Variants in SLC36A1 observed in about 807,000 individuals in gnomAD.
The protein encoded by SLC36A1 is solute carrier family 36 member 1.
A neutral mutation model predicts 47.5 loss-of-function variants in SLC36A1; 30 were observed. The ratio of observed to expected loss-of-function variants is 0.63; its 90% confidence interval spans 0.47 to 0.86. The LOEUF (loss-of-function observed/expected upper bound fraction) is 0.86. SLC36A1 is among the 40% of genes least tolerant of loss of function. The pLI is 0.00. For missense variants in SLC36A1, 517 were observed against 606.0 expected (o/e 0.85, Z 1.54); for synonymous variants, 255 against 249.7 (o/e 1.02, Z -0.20).
the SLC36A1 span, among the ~76,000 whole-genome samples, chr5:151,424,297 A>G: frequency 2.0e-5 from 3 of 152,202 alleles, no homozygotes; most frequent in East Asian, 3.8e-4. Flanking sequence ...GTGTGCAGCA[A>G]CTTCAGAGAA....
At chr5:151,553,609 C>T in the SLC36A1 span, among the ~76,000 whole-genome samples, 355 of 152,328 alleles carry the variant, frequency 2.3e-3, 2 homozygotes, top group African/African-American at 7.9e-3. Flanking sequence ...GCTCAAGAAC[C>T]TCATGGTTAG....
At chr5:151,529,245 T>C in the SLC36A1 span, 1 of 1,613,968 alleles carries the variant, frequency 6.2e-7, no homozygotes, top group East Asian at 2.2e-5. Context: ...TTGGGGGAAT[T>C]GGGGCCGGTG....
the SLC36A1 span, chr5:151,554,648 G>A: frequency 1.2e-6 from 2 of 1,613,850 alleles, no homozygotes; most frequent in East Asian, 2.2e-5. Flanking sequence ...CTTCAGTGAG[G>A]GTTCCCCATT....
the SLC36A1 span, among the ~76,000 whole-genome samples, chr5:151,395,902 C>T: frequency 8.6e-4 from 131 of 152,198 alleles, no homozygotes; most frequent in African/African-American, 2.8e-3. Context: ...CTCCACCTCC[C>T]GAGTTCAAGC....
At chr5:151,413,523 G>GA in the SLC36A1 span, among the ~76,000 whole-genome samples, 3 of 151,994 alleles carry the variant, frequency 2.0e-5, no homozygotes, top group African/African-American at 7.2e-5. Context: ...GAATATTTAT[G>GA]AAAAAACTGA....
the SLC36A1 span, among the ~76,000 whole-genome samples, chr5:151,508,357 G>A: frequency 6.6e-6 from 1 of 152,120 alleles, no homozygotes; most frequent in Non-Finnish European, 1.5e-5. Flanking sequence ...AACACATCTC[G>A]TGAACGAATA....
the SLC36A1 span, chr5:151,521,334 G>A: frequency 4.3e-5 from 69 of 1,613,934 alleles, no homozygotes; most frequent in East Asian, 1.1e-3. Context: ...TGAGCCTGGC[G>A]GTGCTGTACG....
At chr5:151,524,418 GGGCCCTTATGAGAA>G in the SLC36A1 span, among the ~76,000 whole-genome samples, 2 of 140,752 alleles carry the variant, frequency 1.4e-5, no homozygotes, top group Non-Finnish European at 3.1e-5. Context: ...AATGGGATTA[GGGCCCTTATGAGAA>G]GGGCCATGTG....
the SLC36A1 span, among the ~76,000 whole-genome samples, chr5:151,526,364 A>G: frequency 6.6e-6 from 1 of 152,370 alleles, no homozygotes; most frequent in Non-Finnish European, 1.5e-5. Flanking sequence ...ACACTTATAA[A>G]TGATTTCTTC....
the SLC36A1 span, among the ~76,000 whole-genome samples, chr5:151,537,425 A>C: frequency 9.6e-6 from 1 of 104,652 alleles, no homozygotes; most frequent in African/African-American, 4.9e-5. Flanking sequence ...GAAAAAAGGA[A>C]AGGAGAGGAA....
intron 2 of SLC36A1, among the ~76,000 whole-genome samples, chr5:151,461,585 C>G (rs147726681): frequency 7.9e-5 from 12 of 152,300 alleles, no homozygotes; most frequent in African/African-American, 2.6e-4. Flanking sequence ...GGCTAAAACT[C>G]TCTTCATAAT....
chr5:151,382,430 A>G, the SLC36A1 span: 1 of 623,148 alleles, frequency 1.6e-6, no homozygotes, highest in Non-Finnish European at 2.9e-6. Context: ...CAGTAGGGAT[A>G]GATGTGTTAG....
the SLC36A1 span, chr5:151,366,759 A>G: frequency 6.5e-6 from 1 of 154,166 alleles, no homozygotes; most frequent in South Asian, 2.0e-4. Context: ...ACCTGCCCCC[A>G]GTATCTCAAT....
At chr5:151,548,104 G>A in the SLC36A1 span, among the ~76,000 whole-genome samples, 12 of 152,202 alleles carry the variant, frequency 7.9e-5, no homozygotes, top group Non-Finnish European at 1.5e-5. Flanking sequence ...CTTCAGCGGT[G>A]AATAGACTTC....
the SLC36A1 span, among the ~76,000 whole-genome samples, chr5:151,524,172 C>T: frequency 1.3e-5 from 2 of 152,158 alleles, no homozygotes; most frequent in Non-Finnish European, 2.9e-5. Context: ...CTGAAACCCT[C>T]CAACCACCTC....
intron 9 of SLC36A1, 141 bp from the exon 10 acceptor site, chr5:151,479,179 T>G (rs1758477136): frequency 3.9e-6 from 3 of 777,634 alleles, no homozygotes; most frequent in Non-Finnish European, 6.2e-6. Context: ...TTTCTAGACA[T>G]GAAATTGCTG....
chr5:151,454,776 G>T (rs972149417), intron 1 of SLC36A1, among the ~76,000 whole-genome samples: 2 of 145,854 alleles, frequency 1.4e-5, no homozygotes, highest in Admixed American at 7.0e-5. Context: ...GCAGTGGCGC[G>T]ATCTCGGCTC....
the SLC36A1 span, among the ~76,000 whole-genome samples, chr5:151,537,420 A>AAGGAAAGGAG: frequency 2.5e-5 from 3 of 121,384 alleles, no homozygotes; most frequent in South Asian, 5.3e-4. Flanking sequence ...AAAAGGAAAA[A>AAGGAAAGGAG]AGGAAAGGAG....
chr5:151,440,673 A>G (rs145863117), intron 1 of SLC36A1, among the ~76,000 whole-genome samples: 17 of 152,276 alleles, frequency 1.1e-4, no homozygotes, highest in African/African-American at 4.1e-4. Flanking sequence ...CTCATGTTAT[A>G]TATAGAACCT....
Sources: allele counts gnomAD v4.1 joint callset (sites outside exome capture counted in the v4.1 genomes callset), GRCh38; gene constraint gnomAD v4.1.1; transcripts MANE v1.5; gene names NCBI Gene and HGNC (gene_info 2026-07-23, HGNC 2026-07-21).